PRKAG2: variants seen among roughly 807,000 people sequenced by gnomAD.
PRKAG2 encodes the protein 5'-AMP-activated protein kinase subunit gamma-2.
PRKAG2 carries 26 observed loss-of-function variants against 69.6 expected under a neutral mutation model. The ratio of observed to expected loss-of-function variants is 0.37; its 90% CI spans 0.27 to 0.52. The LOEUF is 0.52. PRKAG2 is among the 20% of genes least tolerant of loss of function. The probability of loss-of-function intolerance (pLI) is 0.90; values close to 1 mark genes in which losing one functional copy is unlikely to be tolerated. For synonymous variants in PRKAG2, 293 were observed against 285.0 expected (o/e 1.03, Z -0.28); for missense variants, 557 against 740.0 (o/e 0.75, Z 2.87).
chr7:151,566,481 C>A, intron 11 of PRKAG2: 1 of 353,020 alleles, frequency 2.8e-6, no homozygotes, highest in Non-Finnish European at 5.6e-6. Context: ...TTTTCATGGG[C>A]TGTTTTAAAG....
intron 1 of PRKAG2, chr7:151,806,654 T>G: frequency 2.1e-5 from 4 of 193,308 alleles, no homozygotes; most frequent in African/African-American, 2.4e-5. Flanking sequence ...ACAGAAGGAG[T>G]CTTGGGAGGA....
At position 151,631,935 on chromosome 7, in the gene PRKAG2, G is replaced by T. The variant is rs950089647; in HGVS notation, c.754+134C>A. ...CATCCCCGCCCCGGTTCCCGCCCCG[G>T]CCCCTGGGCTTCCGCAGGACGCAGC... On this transcript the variant is annotated intron_variant, in intron 5 of 15. Coordinates refer to ENST00000287878, the MANE Select transcript of PRKAG2 (RefSeq NM_016203.4). 6 of 927,470 alleles carry T rather than the reference G, an allele frequency of 6.5e-6. No homozygotes were observed. The Admixed American group carries it at 2.5e-4, about 38-fold the overall frequency. The allele number at this position is 927,470 out of a possible 1,614,324, so 57.5% of individuals were successfully genotyped here.
In PRKAG2 at chr7:151,777,760, T is replaced by C. The variant is rs1449344707; in HGVS notation, c.466+3392A>G. ...GGAGGAATTTAGTTTATAGTTTAATTTGAAAGCAAGGATGATAATAGTACC... is the reference window on the plus strand; with the variant it reads ...GGAGGAATTTAGTTTATAGTTTAATCTGAAAGCAAGGATGATAATAGTACC... On this transcript the variant is annotated intron_variant, in intron 3 of 15. Transcript: ENST00000287878. This position sits in a 1 kb window ranked among gnomAD's most constrained non-coding sequence, Gnocchi z 4.3. Among the ~76,000 whole-genome samples, 1 of 152,172 alleles carries C rather than the reference T, an allele frequency of 6.6e-6. No homozygotes were observed. Among genetic ancestry groups the C allele is most frequent in the East Asian group, 1.9e-4 (1 of 5,184 alleles).
intron 3 of PRKAG2, among the ~76,000 whole-genome samples, chr7:151,743,775 T>C (rs1004922273): frequency 6.6e-6 from 1 of 152,232 alleles, no homozygotes; most frequent in African/African-American, 2.4e-5. Flanking sequence ...CAGCATGTCC[T>C]GTTCCTGGAG....
chr7:151,715,434 A>G (rs766853218), intron 3 of PRKAG2, among the ~76,000 whole-genome samples: 13 of 149,062 alleles, frequency 8.7e-5, no homozygotes, highest in Non-Finnish European at 1.6e-4. Context: ...TGCAACCTCC[A>G]CTTCCAATTC....
intron 1 of PRKAG2, among the ~76,000 whole-genome samples, chr7:151,843,149 G>T (rs1160072894): frequency 1.3e-5 from 2 of 151,880 alleles, no homozygotes; most frequent in African/African-American, 4.9e-5. Flanking sequence ...CCAAGCCCCA[G>T]TGTACCTACA....
chr7:151,841,463 T>C (rs2079280350), intron 1 of PRKAG2, among the ~76,000 whole-genome samples: 1 of 147,692 alleles, frequency 6.8e-6, no homozygotes, highest in Admixed American at 6.7e-5. Context: ...GTAGTGATAG[T>C]AGTGATGGTA....
intron 9 of PRKAG2, 66 bp downstream of exon 9, chr7:151,572,598 C>T: frequency 2.6e-6 from 3 of 1,172,726 alleles, no homozygotes; most frequent in Non-Finnish European, 2.5e-6. Context: ...AAAATGAAAA[C>T]ATACTTTTCA....
At chr7:151,750,367 T>C (rs1434738993) in intron 3 of PRKAG2, among the ~76,000 whole-genome samples, 1 of 152,202 alleles carries the variant, frequency 6.6e-6, no homozygotes, top group African/African-American at 2.4e-5. Flanking sequence ...CACCAGTGGA[T>C]GACTGAGTAA....
chr7:151,680,484 A>G lies in PRKAG2; in HGVS notation c.467-4847T>C, dbSNP rs556291052. On this transcript the variant is annotated intron_variant, in intron 3 of 15. Transcript: ENST00000287878. ...TGATACCATTTGTAGTTTTGAAAAAAGGAAAGAAAGTATCTATATTCTGCC... is the reference window on the plus strand; with the variant it reads ...TGATACCATTTGTAGTTTTGAAAAAGGGAAAGAAAGTATCTATATTCTGCC... Among the ~76,000 whole-genome samples, 612 of 152,344 alleles carry G rather than the reference A, an allele frequency of 4.0e-3. 2 individuals carry two copies. The highest frequency in any genetic ancestry group is 0.014 in the African/African-American group (565 of 41,588).
At chr7:151,829,207 A>G (rs2078968940) in intron 1 of PRKAG2, among the ~76,000 whole-genome samples, 1 of 152,252 alleles carries the variant, frequency 6.6e-6, no homozygotes, top group Non-Finnish European at 1.5e-5. Flanking sequence ...AACACAGGAA[A>G]AGGATCTGAA....
Position 151,795,860 on chromosome 7 carries a change from T to TAC in PRKAG2, c.115-9320_115-9319insGT, listed in dbSNP as rs1317830359. Among the ~76,000 whole-genome samples the TAC allele has an allele frequency of 7.6e-3, 790 of 104,478 alleles. 13 individuals are homozygous for TAC. The highest frequency in any genetic ancestry group is 0.029 in the African/African-American group (701 of 24,108). 68.5% of individuals were successfully genotyped at this position (104,478 alleles called of 152,430 possible). On this transcript the variant is annotated intron_variant, in intron 1 of 15. Transcript: ENST00000287878. ...CAAACAAATCTCATATATATATATA[T>TAC]ATATATATATATATATATATATATA...
In PRKAG2 at chr7:151,857,179, C is replaced by T. The variant is rs566432593; in HGVS notation, c.114+19328G>A. On this transcript the variant is annotated intron_variant, in intron 1 of 15. Coordinates refer to ENST00000287878, the MANE Select transcript of PRKAG2 (RefSeq NM_016203.4). ...GGGAGTATAAGGGATGGGCACAGAACGCGCAGCATCCTGCGGAAGACGGTG... is the reference window on the plus strand; with the variant it reads ...GGGAGTATAAGGGATGGGCACAGAATGCGCAGCATCCTGCGGAAGACGGTG... Among the ~76,000 whole-genome samples the T allele has an allele frequency of 9.1e-4, 132 of 145,390 alleles. 3 individuals carry two copies. The highest frequency in any genetic ancestry group is 2.3e-3 in the East Asian group (11 of 4,876).
intron 3 of PRKAG2, among the ~76,000 whole-genome samples, chr7:151,770,487 G>C (rs114950926): frequency 2.6e-5 from 4 of 152,144 alleles, no homozygotes; most frequent in African/African-American, 9.7e-5. Flanking sequence ...TTCCACTCTC[G>C]CAGTGCCTGT....
intron 5 of PRKAG2, among the ~76,000 whole-genome samples, chr7:151,630,276 T>C (rs1824100536): frequency 6.6e-6 from 1 of 152,082 alleles, no homozygotes; most frequent in African/African-American, 2.4e-5. Flanking sequence ...ATAATTAAAT[T>C]AATAAATCTC....
chr7:151,713,410 A>G (rs1465500381), intron 3 of PRKAG2, among the ~76,000 whole-genome samples: 6 of 152,100 alleles, frequency 3.9e-5, no homozygotes, highest in Non-Finnish European at 8.8e-5. Context: ...TGAAAAGGAT[A>G]TGGTACCACA....
At chr7:151,801,950 T>C (rs748778954) in intron 1 of PRKAG2, among the ~76,000 whole-genome samples, 4 of 152,214 alleles carry the variant, frequency 2.6e-5, no homozygotes, top group Non-Finnish European at 5.9e-5. Flanking sequence ...GAGCAGGGCC[T>C]GGTCACTGAG....
chr7:151,753,933 T>C lies in PRKAG2; in HGVS notation c.466+27219A>G, dbSNP rs183720667. Among the ~76,000 whole-genome samples, 8 of 151,700 alleles carry C rather than the reference T, an allele frequency of 5.3e-5. No individual in the cohort carries two copies. The East Asian group carries it at 1.2e-3, about 22-fold the overall frequency. ...CCTGTAGTCGCAGCTACTCAGGAGG[T>C]TGGGGTAGGAGAATCGCTTGAGTTG... On this transcript the variant is annotated intron_variant, in intron 3 of 15. Coordinates refer to ENST00000287878, the MANE Select transcript of PRKAG2 (RefSeq NM_016203.4).
At position 151,687,133 on chromosome 7, in the gene PRKAG2, A is replaced by C. The variant is rs1834854642; in HGVS notation, c.467-11496T>G. ...GGTGGTGCAGGGGAAGGAAAGGAGA[A>C]TCTCACAGGGGCTAATTTTAAATCT... On this transcript the variant is annotated intron_variant, in intron 3 of 15. Coordinates refer to ENST00000287878, the MANE Select transcript of PRKAG2 (RefSeq NM_016203.4). Among the ~76,000 whole-genome samples, 6 of 152,216 alleles carry C rather than the reference A, an allele frequency of 3.9e-5. 1 individual carries two copies. The South Asian group carries it at 1.0e-3, about 26-fold the overall frequency.
Sources: gnomAD v4.1 joint callset for allele counts (sites outside exome capture counted in the v4.1 genomes callset) on GRCh38, gnomAD v4.1.1 for gene constraint, Gnocchi (gnomAD v3.1) non-coding constraint, MANE v1.5 for transcripts, NCBI Gene and HGNC (gene_info 2026-07-23, HGNC 2026-07-21) for gene names.